The following FREM2 variants were observed in gnomAD, a reference collection of about 807,000 sequenced individuals.
The protein encoded by FREM2 is FRAS1 related extracellular matrix 2, also known as FRAS1-related extracellular matrix protein 2.
FREM2 carries 119 observed loss-of-function variants against 219.9 expected under a neutral mutation model. That is an observed-to-expected ratio of 0.54 (90% CI 0.47 to 0.63). FREM2 has a LOEUF of 0.63. FREM2 is among the 30% of genes least tolerant of loss of function. The pLI is 0.00. For synonymous variants in FREM2, 1,562 were observed against 1,522.8 expected (o/e 1.03, Z -0.60); for missense variants, 4,030 against 3,993.6 (o/e 1.01, Z -0.25).
At chr13:38,875,979 T>C (rs1311205960) in intron 18 of FREM2, 43 bp from the exon 19 acceptor site, 2 of 1,562,302 alleles carry the variant, frequency 1.3e-6, no homozygotes, top group Admixed American at 3.3e-5. Flanking sequence ...ACTCTTTTAA[T>C]TGAACCACTA....
At chr13:38,853,935 A>G (rs979527212) in intron 11 of FREM2, among the ~76,000 whole-genome samples, 1 of 152,160 alleles carries the variant, frequency 6.6e-6, no homozygotes, top group Admixed American at 6.5e-5. Context: ...AATTATAGCT[A>G]TGTAGTAAAC....
chr13:38,815,737 G>A (rs1438288267), intron 6 of FREM2, among the ~76,000 whole-genome samples: 2 of 152,186 alleles, frequency 1.3e-5, no homozygotes, highest in Non-Finnish European at 2.9e-5. Context: ...ATGGCAGAAG[G>A]TAAAGAGGAG....
intron 16 of FREM2, among the ~76,000 whole-genome samples, chr13:38,869,629 A>G (rs1012920781): frequency 6.6e-6 from 1 of 152,242 alleles, no homozygotes; most frequent in African/African-American, 2.4e-5. Flanking sequence ...TCATTTTAAT[A>G]GTTTCTAAAA....
At chr13:38,877,347 T>C (rs530737522) in intron 21 of FREM2, 104 bp downstream of exon 21, 6 of 1,305,342 alleles carry the variant, frequency 4.6e-6, no homozygotes, top group Non-Finnish European at 5.5e-6. Context: ...GCTTTTTTTA[T>C]GGTTTTGAGA....
Position 38,692,454 on chromosome 13 carries a change from C to CCT in FREM2, c.5112_5113dup (p.Gln1705LeufsTer27). On this transcript the variant is annotated frameshift_variant, in exon 1 of 24. Coordinates refer to ENST00000280481, the MANE Select transcript of FREM2 (RefSeq NM_207361.6). LOFTEE classifies it high-confidence loss of function. ...TCTTAGATTTATCGTGACAGAGGCC[C>CCT]CTCAACATGGATATCTTCTCAACCT... The CCT allele has an allele frequency of 3.7e-6, 6 of 1,613,784 alleles. No homozygotes were observed. Among genetic ancestry groups the CCT allele is most frequent in the Non-Finnish European group, 5.1e-6 (6 of 1,179,904 alleles).
chr13:38,793,825 T>C (rs1213370836), intron 6 of FREM2, among the ~76,000 whole-genome samples: 1 of 152,106 alleles, frequency 6.6e-6, no homozygotes, highest in Non-Finnish European at 1.5e-5. Context: ...GGGCATGTCA[T>C]GGTAATTGAT....
At position 38,687,106 on chromosome 13, in the gene FREM2, A is replaced by T. The variant is rs576397850; in HGVS notation, c.-239A>T. 28 of 591,182 alleles carry T rather than the reference A, an allele frequency of 4.7e-5. No individual in the cohort carries two copies. The South Asian group carries it at 5.3e-4, about 11-fold the overall frequency. The allele number at this position is 591,182 out of a possible 1,614,324, so 36.6% of individuals were successfully genotyped here. Reference sequence around the variant, plus strand: ...GTGGAGGGATTCAATTCTCCGCGCGATTGAGGCGCTAGCGGCGGAGCTGGA... The same window carrying T: ...GTGGAGGGATTCAATTCTCCGCGCGTTTGAGGCGCTAGCGGCGGAGCTGGA... On this transcript the variant is annotated 5_prime_UTR_variant, in exon 1 of 24. Transcript: ENST00000280481.
At chr13:38,770,138 A>G (rs1368367390) in intron 4 of FREM2, among the ~76,000 whole-genome samples, 1 of 147,844 alleles carries the variant, frequency 6.8e-6, no homozygotes, top group Non-Finnish European at 1.5e-5. Flanking sequence ...CTTTTATTTT[A>G]TGTATATAAA....
intron 2 of FREM2, among the ~76,000 whole-genome samples, chr13:38,743,813 T>G (rs959532697): frequency 1.3e-5 from 2 of 152,220 alleles, no homozygotes; most frequent in African/African-American, 4.8e-5. Flanking sequence ...GCTTGCCTTC[T>G]GTATCTACGT....
rs369765588 is a variant in FREM2, at chr13:38,851,723, C to A, written c.6780C>A (p.Val2260=). The stretch of plus-strand genomic sequence containing the variant: ...AATTTGGAGAAACCAAATTTAGTGT[C>A]ACTGAACCCAAAGAACCTGGAGAGT... ...VIKFGETKFS[V]TEPKEPGESV... The change falls in exon 11 of 24, where the codon GTC becomes GTA. Residue 2260 remains valine (V), a synonymous_variant. Transcript: ENST00000280481. The A allele has an allele frequency of 9.0e-5, 145 of 1,613,300 alleles. No homozygotes were observed. Among genetic ancestry groups the A allele is most frequent in the Non-Finnish European group, 1.2e-4 (138 of 1,179,426 alleles).
intron 6 of FREM2, among the ~76,000 whole-genome samples, chr13:38,804,616 C>G (rs1875149562): frequency 6.6e-6 from 1 of 151,974 alleles, no homozygotes; most frequent in Non-Finnish European, 1.5e-5. Flanking sequence ...GAATTTGAAA[C>G]AGTAAAAAGA....
In FREM2 at chr13:38,877,887, T is replaced by C. The variant is rs7332206; in HGVS notation, c.8672-247T>C. 0.17 allele frequency among the ~76,000 whole-genome samples: 25,785 copies of C among 152,170 alleles called. 2,489 individuals are homozygous for C. Among genetic ancestry groups the C allele is most frequent in the Admixed American group, 0.26 (4,005 of 15,288 alleles). ...GCCAGATCTTTGAAATTATTCACAC[T>C]AGTGGCTGAGCATCTGAGACTCAAT... On this transcript the variant is annotated intron_variant, in intron 21 of 23. Transcript: ENST00000280481.
In FREM2 at chr13:38,875,229, T is replaced by C. The variant is rs147003752; in HGVS notation, c.8281+643T>C. Among the ~76,000 whole-genome samples the C allele has an allele frequency of 6.3e-3, 959 of 151,898 alleles. 13 individuals are homozygous for C. Among genetic ancestry groups the C allele is most frequent in the African/African-American group, 0.022 (914 of 41,414 alleles). ...TTGACTCTCCATATTACCAGTTTAG[T>C]AACATGGAGAGTCAAATAAAAAATA... On this transcript the variant is annotated intron_variant, in intron 18 of 23. Coordinates refer to ENST00000280481, the MANE Select transcript of FREM2 (RefSeq NM_207361.6).
At chr13:38,759,075 G>A (rs1271967001) in intron 2 of FREM2, among the ~76,000 whole-genome samples, 2 of 151,908 alleles carry the variant, frequency 1.3e-5, no homozygotes, top group Non-Finnish European at 2.9e-5. Flanking sequence ...TCCCCAATAA[G>A]GTAGGTAATA....
chr13:38,736,209 C>T (rs954261637), intron 2 of FREM2, among the ~76,000 whole-genome samples: 42 of 152,064 alleles, frequency 2.8e-4, no homozygotes, highest in Non-Finnish European at 4.9e-4. Context: ...TAGAAAGTAA[C>T]CTATTTGTAA....
chr13:38,751,896 G>T (rs2442350), intron 2 of FREM2, among the ~76,000 whole-genome samples: 2,985 of 100,144 alleles, frequency 0.03, 73 homozygotes, highest in African/African-American at 0.09. Context: ...GTGTGTGTGT[G>T]TTTTCCTTTT....
intron 6 of FREM2, among the ~76,000 whole-genome samples, chr13:38,841,386 G>A (rs1333508): frequency 0.14 from 21,505 of 152,060 alleles, 1,756 homozygotes; most frequent in Admixed American, 0.24. Context: ...ACCTAAAACT[G>A]CTCTAAAAAC....
At chr13:38,749,047 A>T (rs1042778744) in intron 2 of FREM2, among the ~76,000 whole-genome samples, 3 of 152,198 alleles carry the variant, frequency 2.0e-5, no homozygotes, top group African/African-American at 7.2e-5. Context: ...GTCTATCTGC[A>T]GTGACCTTAG....
At chr13:38,873,654 CT>C (rs1385162604) in intron 17 of FREM2, among the ~76,000 whole-genome samples, 1 of 152,136 alleles carries the variant, frequency 6.6e-6, no homozygotes, top group Non-Finnish European at 1.5e-5. Context: ...AGTGCTTTTT[CT>C]TTTTCAGACA....
Sources: gnomAD v4.1 joint callset for allele counts (sites outside exome capture counted in the v4.1 genomes callset) on GRCh38, gnomAD v4.1.1 for gene constraint, MANE v1.5 for transcripts, NCBI Gene and HGNC (gene_info 2026-07-23, HGNC 2026-07-21) for gene names.